Variants in SGSM1 observed in about 807,000 individuals in gnomAD.
SGSM1 encodes RUN and TBC1 domain containing 2.
In SGSM1, 73 loss-of-function variants were observed where a neutral mutation model predicts 133.8. The observed-to-expected ratio is 0.55, with a 90% CI of 0.45 to 0.66. The LOEUF is 0.66. SGSM1 is among the 30% of genes least tolerant of loss of function. SGSM1 has a pLI of 0.00. For missense variants in SGSM1, 1,213 were observed against 1,448.1 expected, an observed-to-expected ratio of 0.84 and a Z score of 2.64; for synonymous variants, 563 against 573.0, an observed-to-expected ratio of 0.98 and a Z score of 0.25.
rs545294945 is a variant in SGSM1 at position 24,807,570 on chromosome 22, C to T, written c.63+1086C>T. 1.2e-4 allele frequency among the ~76,000 whole-genome samples: 18 copies of T among 152,078 alleles called. No homozygotes were observed. The South Asian group carries it at 3.5e-3, about 30-fold the overall frequency. On this transcript the variant is annotated intron_variant, in intron 2 of 24. Transcript: ENST00000400358. ...CTGTGTGCGTGTGTCTTGTGTGTTG[C>T]CCTCCCCATTCTTCAGTCTCAGACC... is the stretch of plus-strand genomic sequence containing the variant.
intron 22 of SGSM1, among the ~76,000 whole-genome samples, chr22:24,915,266 C>A (rs1479060514): frequency 6.9e-6 from 1 of 145,170 alleles, no homozygotes; most frequent in Non-Finnish European, 1.5e-5. Flanking sequence ...ACAAACAGCG[C>A]TGCACTGAAA....
chr22:24,860,474 C>T (rs140621934), intron 9 of SGSM1, among the ~76,000 whole-genome samples: 10 of 152,134 alleles, frequency 6.6e-5, no homozygotes, highest in South Asian at 6.2e-4. Context: ...AAGTCCACAT[C>T]GAATCTTATT....
rs144340548 is a variant in SGSM1, at chr22:24,813,433, A to G, written c.63+6949A>G. Among the ~76,000 whole-genome samples, 9 of 152,294 alleles carry G rather than the reference A, an allele frequency of 5.9e-5. No homozygotes were observed. The East Asian group carries it at 1.7e-3, about 29-fold the overall frequency. Reference sequence around the variant, plus strand: ...ACGTCTGCCTTTGCTAAGCTTTTCCATTCTTGGGCTGGAATCACAGCCCCC... The same window carrying G: ...ACGTCTGCCTTTGCTAAGCTTTTCCGTTCTTGGGCTGGAATCACAGCCCCC... On this transcript the variant is annotated intron_variant, in intron 2 of 24. Transcript: ENST00000400358.
intron 4 of SGSM1, among the ~76,000 whole-genome samples, chr22:24,849,249 A>T (rs1033158596): frequency 1.2e-3 from 165 of 132,672 alleles, no homozygotes; most frequent in African/African-American, 4.8e-3. Context: ...TATTTTATTA[A>T]AAAAAAAAAA....
intron 12 of SGSM1, chr22:24,874,307 G>C: frequency 1.7e-6 from 2 of 1,164,116 alleles, no homozygotes; most frequent in Middle Eastern, 2.0e-4. Flanking sequence ...TGTGGAGCCG[G>C]GAAGGGGGAG....
rs184605032 is a variant in SGSM1 at position 24,883,870 on chromosome 22, C to T, written c.1496-183C>T. ...ACTCGAGAGGCTGTGGTGAGAGGAT[C>T]GCATCAGCCTGGGAGGTTGAGGCTG... On this transcript the variant is annotated intron_variant, in intron 14 of 24. Coordinates refer to ENST00000400358, the MANE Select transcript of SGSM1 (RefSeq NM_001098497.3). Among the ~76,000 whole-genome samples the T allele has an allele frequency of 5.9e-5, 9 of 152,176 alleles. No homozygotes were observed. The East Asian group carries it at 1.4e-3, about 23-fold the overall frequency.
intron 21 of SGSM1, among the ~76,000 whole-genome samples, chr22:24,906,858 G>A (rs1933400576): frequency 6.6e-6 from 1 of 152,210 alleles, no homozygotes; most frequent in African/African-American, 2.4e-5. Context: ...GGCTGAGGCA[G>A]GAGAATTGCT....
At chr22:24,891,908 GGT>G (rs1040698084) in intron 16 of SGSM1, among the ~76,000 whole-genome samples, 1 of 152,082 alleles carries the variant, frequency 6.6e-6, no homozygotes, top group Non-Finnish European at 1.5e-5. Flanking sequence ...AGCGTGGTGT[GGT>G]GTGTGTGTCC....
At chr22:24,920,022 G>A (rs982982994) in intron 24 of SGSM1, 29 bp downstream of exon 24, 2 of 1,566,842 alleles carry the variant, frequency 1.3e-6, no homozygotes, top group African/African-American at 1.4e-5. Flanking sequence ...CCTCATGAGA[G>A]GGGTGCAGGC....
At chr22:24,845,524 T>A (rs1930043985) in intron 3 of SGSM1, among the ~76,000 whole-genome samples, 1 of 152,214 alleles carries the variant, frequency 6.6e-6, no homozygotes, top group African/African-American at 2.4e-5. Flanking sequence ...GGTCTGAGTG[T>A]CTCTGAGGTC....
intron 22 of SGSM1, among the ~76,000 whole-genome samples, chr22:24,914,292 CA>C (rs144720210): frequency 0.039 from 3,705 of 95,258 alleles, 59 homozygotes; most frequent in Non-Finnish European, 0.053. Flanking sequence ...GACTCCATCT[CA>C]AAAAAAAAAA....
intron 2 of SGSM1, among the ~76,000 whole-genome samples, chr22:24,838,431 A>G (rs1424379446): frequency 3.3e-5 from 5 of 152,248 alleles, no homozygotes; most frequent in African/African-American, 7.2e-5. Context: ...ACAAGGAAGC[A>G]AACATGGTGA....
At chr22:24,879,020 T>A (rs933840789) in intron 13 of SGSM1, among the ~76,000 whole-genome samples, 2 of 152,198 alleles carry the variant, frequency 1.3e-5, no homozygotes, top group Non-Finnish European at 2.9e-5. Flanking sequence ...GACAGGTGCT[T>A]CCTATGCAGT....
chr22:24,826,729 C>T (rs947157698), intron 2 of SGSM1, among the ~76,000 whole-genome samples: 5 of 152,208 alleles, frequency 3.3e-5, no homozygotes, highest in Admixed American at 6.5e-5. Context: ...CAGGGAGGCT[C>T]TCTGAGGGGG....
chr22:24,808,999 A>G (rs191128301), intron 2 of SGSM1, among the ~76,000 whole-genome samples: 1 of 152,358 alleles, frequency 6.6e-6, no homozygotes, highest in Non-Finnish European at 1.5e-5. Context: ...TCTACTGTAC[A>G]GATGAGAACA....
intron 21 of SGSM1, among the ~76,000 whole-genome samples, chr22:24,911,436 C>T (rs1041453235): frequency 6.6e-6 from 1 of 151,852 alleles, no homozygotes; most frequent in Non-Finnish European, 1.5e-5. Context: ...GGATTACAGG[C>T]ATGAACTACC....
At chr22:24,890,431 G>GT (rs1308775789) in intron 16 of SGSM1, among the ~76,000 whole-genome samples, 1 of 123,254 alleles carries the variant, frequency 8.1e-6, no homozygotes, top group Non-Finnish European at 1.5e-5. Flanking sequence ...TGTAACTAAA[G>GT]TAAGTACACT....
intron 2 of SGSM1, among the ~76,000 whole-genome samples, chr22:24,834,345 A>G (rs1431207267): frequency 6.6e-6 from 1 of 152,256 alleles, no homozygotes; most frequent in African/African-American, 2.4e-5. Context: ...ATTCTTGTGC[A>G]GGGTTGGCCC....
Position 24,847,816 on chromosome 22 carries a change from C to T in SGSM1, c.302+20C>T, listed in dbSNP as rs1339713243. On this transcript the variant is annotated intron_variant, in intron 4 of 24. Transcript: ENST00000400358. ...GAGCGCGTGAGTGCAAAGCATGGGG[C>T]ACAGGTGGGAGCAGCTCCCCCAATA... 1 of 1,610,830 alleles carries T rather than the reference C, an allele frequency of 6.2e-7. No homozygotes were observed. The highest frequency in any genetic ancestry group is 2.2e-5 in the East Asian group (1 of 44,810).
Sources: allele counts gnomAD v4.1 joint callset (sites outside exome capture counted in the v4.1 genomes callset), GRCh38; gene constraint gnomAD v4.1.1; transcripts MANE v1.5; gene names NCBI Gene and HGNC (gene_info 2026-07-23, HGNC 2026-07-21).